IFTAP: variants seen among roughly 807,000 people sequenced by gnomAD.
IFTAP encodes intraflagellar transport-associated protein.
In IFTAP, 19 loss-of-function variants were observed where a neutral mutation model predicts 19.4. The observed-to-expected ratio is 0.98, with a 90% CI of 0.68 to 1.44. The LOEUF (loss-of-function observed/expected upper bound fraction) is 1.44, where lower values mean the gene tolerates loss of function less well. Ranked by LOEUF, IFTAP falls within the 40% of genes most tolerant of loss-of-function variation. IFTAP has a pLI of 0.00. For synonymous variants in IFTAP, 85 were observed against 83.5 expected, an observed-to-expected ratio of 1.02 and a Z score of -0.10; for missense variants, 240 against 253.6, an observed-to-expected ratio of 0.95 and a Z score of 0.36.
chr11:36,601,546 AG>A, intron 1 of IFTAP, among the ~76,000 whole-genome samples: 1 of 152,302 alleles, frequency 6.6e-6, no homozygotes, highest in Non-Finnish European at 1.5e-5. Context: ...ATTTCAGAGG[AG>A]TTTTGCTAGA....
intron 2 of IFTAP, among the ~76,000 whole-genome samples, chr11:36,613,101 T>TGA (rs1223143275): frequency 3.0e-4 from 46 of 152,218 alleles, no homozygotes; most frequent in African/African-American, 1.0e-3. Flanking sequence ...CAATAGCACC[T>TGA]TCAGTTCAGG....
At chr11:36,644,140 AC>A (rs1853360808) in intron 4 of IFTAP, among the ~76,000 whole-genome samples, 2 of 152,338 alleles carry the variant, frequency 1.3e-5, no homozygotes, top group South Asian at 4.1e-4. Context: ...AATAACTCAA[AC>A]AAGTTTACAA....
rs532983952 is a variant in IFTAP at position 36,643,212 on chromosome 11, C to T, written c.359-4804C>T. ...AGCATTCTTATACACCAATAACTGACAGAGAGCCAAATCAAGAGTGAACTC... is the reference window on the plus strand; with the variant it reads ...AGCATTCTTATACACCAATAACTGATAGAGAGCCAAATCAAGAGTGAACTC... On this transcript the variant is annotated intron_variant, in intron 4 of 5. Transcript: ENST00000334307. Among the ~76,000 whole-genome samples the T allele has an allele frequency of 6.6e-5, 10 of 152,270 alleles. No homozygotes were observed. In the South Asian group the frequency reaches 2.1e-3, roughly 32 times the overall value.
At chr11:36,605,215 C>A (rs952250989) in intron 1 of IFTAP, among the ~76,000 whole-genome samples, 1 of 151,798 alleles carries the variant, frequency 6.6e-6, no homozygotes, top group African/African-American at 2.4e-5. Flanking sequence ...AGAAGATTAC[C>A]ATTTTGAGTA....
chr11:36,599,092 C>A (rs1022231363), intron 1 of IFTAP, among the ~76,000 whole-genome samples: 1 of 152,140 alleles, frequency 6.6e-6, no homozygotes, highest in Non-Finnish European at 1.5e-5. Context: ...TACCCAGGTT[C>A]AAGCGATTCT....
intron 1 of IFTAP, among the ~76,000 whole-genome samples, chr11:36,605,008 C>T (rs1389441106): frequency 1.3e-5 from 2 of 151,188 alleles, no homozygotes; most frequent in Admixed American, 6.6e-5. Flanking sequence ...CACATCTGTG[C>T]AGCCTATTAA....
chr11:36,630,213 CT>C (rs1413008290), intron 2 of IFTAP, among the ~76,000 whole-genome samples: 1 of 151,308 alleles, frequency 6.6e-6, no homozygotes, highest in African/African-American at 2.5e-5. Flanking sequence ...TGAAAAATAA[CT>C]TTTTTCCCTA....
At chr11:36,620,823 C>T (rs1105593) in intron 2 of IFTAP, among the ~76,000 whole-genome samples, 52,671 of 151,550 alleles carry the variant, frequency 0.35, 11,571 homozygotes, top group East Asian at 0.63. Flanking sequence ...TTTTCATACA[C>T]ATAAAAGAAT....
At chr11:36,615,156 G>C (rs1483829269) in intron 2 of IFTAP, among the ~76,000 whole-genome samples, 10 of 84,352 alleles carry the variant, frequency 1.2e-4, no homozygotes, top group Non-Finnish European at 2.0e-4. Context: ...AGTTTTCCCA[G>C]CACCATTTAT....
chr11:36,606,157 G>T (rs902338457), intron 1 of IFTAP, among the ~76,000 whole-genome samples: 3 of 152,146 alleles, frequency 2.0e-5, no homozygotes, highest in Non-Finnish European at 4.4e-5. Flanking sequence ...TGTTCCAAAA[G>T]TCCTTTAAAA....
At chr11:36,635,360 G>A (rs752040357) in intron 3 of IFTAP, among the ~76,000 whole-genome samples, 22 of 152,108 alleles carry the variant, frequency 1.4e-4, no homozygotes, top group Non-Finnish European at 2.5e-4. Context: ...TTACCATTTT[G>A]TTAATCTAAA....
intron 2 of IFTAP, 145 bp from the exon 3 acceptor site, chr11:36,633,139 G>A: frequency 1.7e-6 from 1 of 577,446 alleles, no homozygotes; most frequent in Non-Finnish European, 2.8e-6. Context: ...TAACAGTTCA[G>A]AGTGCTTAAT....
At chr11:36,600,097 C>T (rs1478357963) in intron 1 of IFTAP, among the ~76,000 whole-genome samples, 1 of 152,186 alleles carries the variant, frequency 6.6e-6, no homozygotes, top group Non-Finnish European at 1.5e-5. Flanking sequence ...CAAGTCCTTG[C>T]TATACCATTA....
intron 5 of IFTAP, among the ~76,000 whole-genome samples, chr11:36,649,075 A>C (rs529136280): frequency 1.3e-5 from 2 of 152,208 alleles, no homozygotes; most frequent in South Asian, 2.1e-4. Flanking sequence ...CAGGCACAAG[A>C]AGTTGTTAAG....
At chr11:36,596,225 T>TG (rs962081379) in intron 1 of IFTAP, among the ~76,000 whole-genome samples, 3 of 149,946 alleles carry the variant, frequency 2.0e-5, no homozygotes, top group Admixed American at 6.6e-5. Flanking sequence ...TTTTTTTGTT[T>TG]TTTTTTTTTT....
At chr11:36,623,785 A>G (rs937874895) in intron 2 of IFTAP, among the ~76,000 whole-genome samples, 2 of 152,304 alleles carry the variant, frequency 1.3e-5, no homozygotes, top group Admixed American at 6.5e-5. Context: ...TGCCCCTCCA[A>G]TCATTTCGCT....
At chr11:36,607,676 C>G (rs1851743391) in intron 1 of IFTAP, among the ~76,000 whole-genome samples, 1 of 151,238 alleles carries the variant, frequency 6.6e-6, no homozygotes, top group African/African-American at 2.4e-5. Flanking sequence ...CCCCCCTTTT[C>G]TTTTTATTTT....
At chr11:36,630,083 G>A (rs891567738) in intron 2 of IFTAP, among the ~76,000 whole-genome samples, 5 of 151,240 alleles carry the variant, frequency 3.3e-5, no homozygotes, top group African/African-American at 1.2e-4. Context: ...GAACCCTTGG[G>A]TGGCACATTT....
intron 2 of IFTAP, among the ~76,000 whole-genome samples, chr11:36,618,948 C>G (rs1852197689): frequency 6.6e-6 from 1 of 151,958 alleles, no homozygotes; most frequent in African/African-American, 2.4e-5. Context: ...CTAGGAGACG[C>G]TGCCAGTGAA....
Sources: allele counts gnomAD v4.1 joint callset (sites outside exome capture counted in the v4.1 genomes callset), GRCh38; gene constraint gnomAD v4.1.1; transcripts MANE v1.5; gene names NCBI Gene and HGNC (gene_info 2026-07-23, HGNC 2026-07-21).